The following ABCA1 variants were observed in gnomAD, a reference collection of about 807,000 sequenced individuals.
The protein encoded by ABCA1 is ATP binding cassette subfamily A member 1, also known as phospholipid-transporting ATPase ABCA1.
Under a neutral mutation model 262.5 loss-of-function variants are expected in ABCA1, and 133 were observed. That is an observed-to-expected ratio of 0.51 (90% CI 0.44 to 0.59). ABCA1 has a LOEUF of 0.59. ABCA1 is among the 20% of genes least tolerant of loss of function. The probability of loss-of-function intolerance (pLI) is 0.00; values close to 1 mark genes in which losing one functional copy is unlikely to be tolerated. For synonymous variants in ABCA1, 1,022 were observed against 1,043.5 expected, an observed-to-expected ratio of 0.98 and a Z score of 0.40; for missense variants, 2,452 against 2,777.5, an observed-to-expected ratio of 0.88 and a Z score of 2.63.
At position 104,825,776 on chromosome 9, in the gene ABCA1, C is replaced by T; in HGVS notation, c.2449G>A (p.Asp817Asn). ...ACCGAAGTGGTGAGATTGAAGCCATCTTCCTCCACAGGACTCTCAAACAGG... is the reference window on the plus strand; with the variant it reads ...ACCGAAGTGGTGAGATTGAAGCCATTTTCCTCCACAGGACTCTCAAACAGG... ...DNLFESPVEE[D>N]GFNLTTSVSM... The change falls in exon 17 of 50, where the codon GAT becomes AAT. Residue 817 changes from aspartate to asparagine, a missense_variant. Around this residue, in one of 4 missense-constraint regions of ABCA1, gnomAD observed 1,032 missense variants for 1,089.7 expected, o/e 0.95. Transcript: ENST00000374736. 6.2e-7 allele frequency: 1 copy of T among 1,614,250 alleles called. No individual in the cohort carries two copies. The highest frequency in any genetic ancestry group is 8.5e-7 in the Non-Finnish European group (1 of 1,180,050).
intron 5 of ABCA1, among the ~76,000 whole-genome samples, chr9:104,866,177 T>A (rs1423442167): frequency 6.6e-6 from 1 of 152,046 alleles, no homozygotes; most frequent in Admixed American, 6.6e-5. Context: ...AACAAATGAA[T>A]GAACAAGCAG....
chr9:104,822,404 G>A, intron 19 of ABCA1, 92 bp downstream of exon 19: 1 of 1,536,424 alleles, frequency 6.5e-7, no homozygotes, highest in Non-Finnish European at 9.0e-7. Flanking sequence ...CCTTGGCCCA[G>A]GGATCAGCAT....
chr9:104,800,557 T>G lies in ABCA1; in HGVS notation c.4726A>C (p.Ser1576Arg). ...KDSSADRFLNSLGRFMTGLDT... is the reference protein window; with the variant it reads ...KDSSADRFLNRLGRFMTGLDT... ...AGTCCTGTCATAAATCTTCCCAAGC[T>G]GTTGAGAAATCGATCTGCAGAACTG... is the stretch of plus-strand genomic sequence containing the variant. Residue 1576 changes from serine (S) to arginine (R), a missense_variant, in exon 35 of 50, where the codon AGC becomes CGC. Ser to Arg is a moderately radical substitution (Grantham distance 110). Around this residue, in one of 4 missense-constraint regions of ABCA1, gnomAD observed 752 missense variants for 944.5 expected, o/e 0.80. Coordinates refer to ENST00000374736, the MANE Select transcript of ABCA1 (RefSeq NM_005502.4). The G allele has an allele frequency of 6.2e-7, 1 of 1,614,166 alleles. No individual in the cohort carries two copies. The highest frequency in any genetic ancestry group is 2.2e-5 in the East Asian group (1 of 44,886).
chr9:104,845,414 C>G, intron 8 of ABCA1, 63 bp downstream of exon 8: 2 of 1,215,312 alleles, frequency 1.6e-6, no homozygotes, highest in Admixed American at 1.7e-5. Context: ...TTGCCAGACT[C>G]AGGAATGAAA....
intron 34 of ABCA1, among the ~76,000 whole-genome samples, chr9:104,801,552 G>GT (rs200716170): frequency 0.018 from 2,698 of 149,408 alleles, 82 homozygotes; most frequent in African/African-American, 0.062. Flanking sequence ...GATTTAATTT[G>GT]TTTTTTGAGA....
intron 5 of ABCA1, among the ~76,000 whole-genome samples, chr9:104,872,508 G>C (rs775470737): frequency 6.6e-6 from 1 of 152,196 alleles, no homozygotes; most frequent in Non-Finnish European, 1.5e-5. Context: ...TTGGACAACA[G>C]ACATTACCCT....
intron 30 of ABCA1, among the ~76,000 whole-genome samples, chr9:104,807,274 C>G (rs547113803): frequency 1.4e-4 from 22 of 152,242 alleles, no homozygotes; most frequent in African/African-American, 5.3e-4. Context: ...GAATGCTCGT[C>G]ACATAAAGAG....
chr9:104,825,821 T>A lies in ABCA1; in HGVS notation c.2404A>T (p.Ile802Phe), dbSNP rs776111340. The A allele has an allele frequency of 6.2e-7, 1 of 1,614,180 alleles. No individual in the cohort carries two copies. The highest frequency in any genetic ancestry group is 8.5e-7 in the Non-Finnish European group (1 of 1,180,038). Reference protein sequence around the residue: ...EYFALFEEQGIGVQWDNLFES... With the variant: ...EYFALFEEQGFGVQWDNLFES... ...AACAGGTTGTCCCACTGCACTCCAA[T>A]GCCCTGCTCCTCAAAAAGGGCAAAG... Residue 802 changes from isoleucine (I) to phenylalanine (F), a missense_variant, in exon 17 of 50, where the codon ATT (isoleucine) becomes TTT (phenylalanine). Around this residue, in one of 4 missense-constraint regions of ABCA1, gnomAD observed 1,032 missense variants for 1,089.7 expected, o/e 0.95. Transcript: ENST00000374736.
chr9:104,893,144 C>T (rs918270065), intron 2 of ABCA1, among the ~76,000 whole-genome samples: 3 of 151,902 alleles, frequency 2.0e-5, no homozygotes, highest in Admixed American at 1.3e-4. Context: ...CTTATGAGGC[C>T]GGGCGTGGTG....
At chr9:104,906,750 CAAAAAA>C (rs35167860) in intron 1 of ABCA1, among the ~76,000 whole-genome samples, 1 of 83,042 alleles carries the variant, frequency 1.2e-5, no homozygotes, top group African/African-American at 4.3e-5. Flanking sequence ...AAACCAAAAT[CAAAAAA>C]AAAAAAAAAA....
At position 104,889,135 on chromosome 9, in the gene ABCA1, G is replaced by T. The variant is rs1458927804; in HGVS notation, c.127C>A (p.Arg43=). Residue 43 remains arginine (R), a synonymous_variant, in exon 3 of 50, where the codon CGG becomes AGG. Transcript: ENST00000374736. ...TGTTCATAGGGTGGGTAGCTCAGCC[G>T]AACAGAGATCAGGATCAGGAAGATA... is the stretch of plus-strand genomic sequence containing the variant. ...LFIFLILISV[R]LSYPPYEQHE... is the part of the protein sequence containing the mutation. The T allele has an allele frequency of 1.2e-6, 2 of 1,613,976 alleles. No homozygotes were observed. Among genetic ancestry groups the T allele is most frequent in the East Asian group, 4.5e-5 (2 of 44,894 alleles).
intron 11 of ABCA1, among the ~76,000 whole-genome samples, chr9:104,833,048 C>G (rs1040669983): frequency 2.6e-5 from 4 of 152,132 alleles, no homozygotes; most frequent in Non-Finnish European, 4.4e-5. Context: ...TTCCACTATA[C>G]GAAACATCTC....
chr9:104,799,127 A>G (rs1471697115), intron 36 of ABCA1, among the ~76,000 whole-genome samples: 1 of 152,160 alleles, frequency 6.6e-6, no homozygotes, highest in Admixed American at 6.6e-5. Flanking sequence ...AGCCCATTAC[A>G]TGGGGTCTTG....
chr9:104,867,387 A>G lies in ABCA1; in HGVS notation c.422-5587T>C, dbSNP rs138649243. 3.8e-3 allele frequency among the ~76,000 whole-genome samples: 586 copies of G among 152,314 alleles called. 5 individuals carry two copies. The highest frequency in any genetic ancestry group is 0.013 in the African/African-American group (544 of 41,570). The stretch of plus-strand genomic sequence containing the variant: ...AGGTGCCCGGTAAAGGATGGCTAAT[A>G]TCATCATCATTTTCAGGAATGACTG... On this transcript the variant is annotated intron_variant, in intron 5 of 49. Coordinates refer to ENST00000374736, the MANE Select transcript of ABCA1 (RefSeq NM_005502.4).
chr9:104,915,289 G>A (rs977783866), intron 1 of ABCA1, among the ~76,000 whole-genome samples: 5 of 152,162 alleles, frequency 3.3e-5, no homozygotes, highest in South Asian at 4.1e-4. Flanking sequence ...TCTGCAGCCC[G>A]GCGAGGGCCA....
intron 37 of ABCA1, among the ~76,000 whole-genome samples, chr9:104,798,094 A>G (rs529464674): frequency 1.3e-5 from 2 of 152,236 alleles, no homozygotes; most frequent in South Asian, 4.1e-4. Context: ...GTTAAAACCC[A>G]TCAGAGAAGT....
At position 104,788,633 on chromosome 9, in the gene ABCA1, C is replaced by T. The variant is rs553007338; in HGVS notation, c.5928-66G>A. 5.1e-6 allele frequency: 8 copies of T among 1,566,338 alleles called. No individual in the cohort carries two copies. In the African/African-American group the frequency reaches 8.1e-5, roughly 16 times the overall value. On this transcript the variant is annotated intron_variant, in intron 44 of 49. Transcript: ENST00000374736. Reference sequence around the variant, plus strand: ...GAGATACTCTGGTTAGACAATCTGGCCTAATGTTCCTGTAAAGTATGCTTC... The same window carrying T: ...GAGATACTCTGGTTAGACAATCTGGTCTAATGTTCCTGTAAAGTATGCTTC...
At chr9:104,861,537 T>C in intron 6 of ABCA1, 142 bp downstream of exon 6, 2 of 1,245,020 alleles carry the variant, frequency 1.6e-6, no homozygotes, top group Non-Finnish European at 2.3e-6. Flanking sequence ...AATAGGGAAG[T>C]AAAATTAAGT....
chr9:104,810,531 G>A (rs1334714672), intron 29 of ABCA1, among the ~76,000 whole-genome samples: 1 of 152,094 alleles, frequency 6.6e-6, no homozygotes, highest in Non-Finnish European at 1.5e-5. Context: ...TGCAAGGGTG[G>A]ATTATTTCAC....
Sources: gnomAD v4.1 joint callset for allele counts (sites outside exome capture counted in the v4.1 genomes callset) on GRCh38, gnomAD v4.1.1 for gene constraint, gnomAD v4.1.1 regional missense constraint, MANE v1.5 for transcripts, NCBI Gene and HGNC (gene_info 2026-07-23, HGNC 2026-07-21) for gene names.